Variants in CCDC170 observed in about 807,000 individuals in gnomAD.
CCDC170 encodes coiled-coil domain-containing protein 170.
In CCDC170, 69 loss-of-function variants were observed where a neutral mutation model predicts 72.6. The observed-to-expected ratio is 0.95, with a 90% CI of 0.78 to 1.16. The LOEUF (loss-of-function observed/expected upper bound fraction) is 1.16, where lower values mean the gene tolerates loss of function less well. CCDC170 is among the 50% of genes most tolerant of loss of function. The probability of loss-of-function intolerance (pLI) is 0.00; values close to 1 mark genes in which losing one functional copy is unlikely to be tolerated. For missense variants in CCDC170, 852 were observed against 832.5 expected (o/e 1.02, Z -0.29); for synonymous variants, 300 against 303.9 (o/e 0.99, Z 0.13).
At position 151,576,405 on chromosome 6, in the gene CCDC170, ATT is replaced by A. The variant is rs60823161; in HGVS notation, c.1092+2927_1092+2928del. 9.6e-3 allele frequency among the ~76,000 whole-genome samples: 1,365 copies of A among 142,308 alleles called. 25 individuals carry two copies. The highest frequency in any genetic ancestry group is 0.033 in the African/African-American group (1,300 of 39,036). The allele number at this position is 142,308 out of a possible 152,430, so 93.4% of individuals were successfully genotyped here. A position where few individuals can be genotyped will look rare whatever the true frequency, so the allele number is the denominator to read the frequency against. ...AGGAGCATCTGTACTTCAATAGCTAATTTTTTTTTTTTTTGCCATTTCATTTT... is the reference window on the plus strand; with the variant it reads ...AGGAGCATCTGTACTTCAATAGCTAATTTTTTTTTTTTGCCATTTCATTTT... On this transcript the variant is annotated intron_variant, in intron 6 of 10. Coordinates refer to ENST00000239374, the MANE Select transcript of CCDC170 (RefSeq NM_025059.4).
At chr6:151,555,694 A>G (rs1268602113) in intron 5 of CCDC170, among the ~76,000 whole-genome samples, 1 of 152,134 alleles carries the variant, frequency 6.6e-6, no homozygotes, top group Non-Finnish European at 1.5e-5. Flanking sequence ...CTATAATTCA[A>G]CTCCTCATCC....
At chr6:151,562,936 C>T (rs189142775) in intron 5 of CCDC170, among the ~76,000 whole-genome samples, 3 of 152,194 alleles carry the variant, frequency 2.0e-5, no homozygotes, top group Admixed American at 2.0e-4. Context: ...CCCTATCAAA[C>T]CCCTGTTGCA....
intron 3 of CCDC170, among the ~76,000 whole-genome samples, chr6:151,541,884 A>T (rs58056148): frequency 0.025 from 813 of 32,016 alleles, 7 homozygotes; most frequent in Middle Eastern, 0.049. Context: ...ATATATATAT[A>T]TATTTTTTTT....
chr6:151,572,825 T>G (rs1038907296), intron 5 of CCDC170, among the ~76,000 whole-genome samples: 1 of 151,844 alleles, frequency 6.6e-6, no homozygotes, highest in African/African-American at 2.4e-5. Flanking sequence ...AAGTTTTGTA[T>G]TTTTGTTTAG....
Position 151,494,053 on chromosome 6 carries a change from C to T in CCDC170, c.-76C>T. 4 of 1,374,036 alleles carry T rather than the reference C, an allele frequency of 2.9e-6. No individual in the cohort carries two copies. The highest frequency in any genetic ancestry group is 1.5e-5 in the South Asian group (1 of 65,112). 85.1% of individuals were successfully genotyped at this position (1,374,036 alleles called of 1,614,324 possible). On this transcript the variant is annotated 5_prime_UTR_variant, in exon 1 of 11. Coordinates refer to ENST00000239374, the MANE Select transcript of CCDC170 (RefSeq NM_025059.4). ...CCGTTGCCCGAGGAGACACCCGCGC[C>T]ACCCGCCGGCTCCCGGCGCCGCCGC...
chr6:151,527,041 T>C (rs1014605041), intron 1 of CCDC170, among the ~76,000 whole-genome samples: 1 of 146,192 alleles, frequency 6.8e-6, no homozygotes, highest in Non-Finnish European at 1.5e-5. Context: ...TGCACCACCA[T>C]GCTTAGCTAT....
chr6:151,613,674 A>G (rs913218459), intron 9 of CCDC170, among the ~76,000 whole-genome samples: 7 of 152,170 alleles, frequency 4.6e-5, no homozygotes, highest in African/African-American at 1.7e-4. Flanking sequence ...CCAGTACTCT[A>G]TTCTTTTTTA....
chr6:151,610,852 A>C (rs1776858971), intron 9 of CCDC170, among the ~76,000 whole-genome samples: 1 of 152,182 alleles, frequency 6.6e-6, no homozygotes, highest in Non-Finnish European at 1.5e-5. Context: ...TATTTTCTGC[A>C]TAGTTCTGAA....
chr6:151,617,803 T>C lies in CCDC170; in HGVS notation c.1948-144T>C, dbSNP rs764872089. On this transcript the variant is annotated intron_variant, in intron 10 of 10. Transcript: ENST00000239374. ...TATCTGGAATCTGGTATTTTATAAG[T>C]GAGAGAACTAGGAAGAGAGTAGATA... The C allele has an allele frequency of 7.5e-6, 5 of 668,616 alleles. No individual in the cohort carries two copies. The African/African-American group carries it at 9.0e-5, about 12-fold the overall frequency. 41.4% of individuals were successfully genotyped at this position (668,616 alleles called of 1,614,324 possible).
At chr6:151,553,291 A>G (rs34210656) in intron 5 of CCDC170, among the ~76,000 whole-genome samples, 167 of 152,322 alleles carry the variant, frequency 1.1e-3, no homozygotes, top group Non-Finnish European at 2.0e-3. Flanking sequence ...ATATCATTAC[A>G]TTATTGTACC....
intron 5 of CCDC170, among the ~76,000 whole-genome samples, chr6:151,559,770 T>C (rs1783046024): frequency 6.6e-6 from 1 of 152,212 alleles, no homozygotes; most frequent in African/African-American, 2.4e-5. Flanking sequence ...GAGGATCTTT[T>C]GTATTTCTGT....
chr6:151,600,926 C>A (rs979290567), intron 9 of CCDC170, among the ~76,000 whole-genome samples: 1 of 152,136 alleles, frequency 6.6e-6, no homozygotes, highest in African/African-American at 2.4e-5. Context: ...CTTCTGGTAA[C>A]CAGTCATCTT....
chr6:151,532,171 C>A, intron 1 of CCDC170, among the ~76,000 whole-genome samples: 1 of 151,726 alleles, frequency 6.6e-6, no homozygotes. Flanking sequence ...GAAAACAATC[C>A]CAAACAATAA....
intron 5 of CCDC170, among the ~76,000 whole-genome samples, chr6:151,569,847 C>T (rs1488204424): frequency 6.6e-6 from 1 of 152,128 alleles, no homozygotes; most frequent in Non-Finnish European, 1.5e-5. Flanking sequence ...CTCTGGCTCT[C>T]GAGTCCTGCA....
Position 151,617,983 on chromosome 6 carries a change from G to A in CCDC170, c.1984G>A (p.Gly662Ser), listed in dbSNP as rs758294139. The A allele has an allele frequency of 3.1e-6, 5 of 1,614,080 alleles. No individual in the cohort carries two copies. The highest frequency in any genetic ancestry group is 4.5e-5 in the East Asian group (2 of 44,862). The change falls in exon 11 of 11, where the codon GGC (glycine) becomes AGC (serine). Residue 662 changes from glycine (G) to serine (S), a missense_variant. Gly to Ser is a moderately conservative substitution (Grantham distance 56). Coordinates refer to ENST00000239374, the MANE Select transcript of CCDC170 (RefSeq NM_025059.4). ...CAGGGAGGTGGTGTCGCAGATGCTA[G>A]GCTTGAACGTGACCAGCCTTGCTCT... ...DFREVVSQML[G>S]LNVTSLALPD... is the part of the protein sequence containing the mutation.
At chr6:151,523,359 T>C (rs1300943604) in intron 1 of CCDC170, among the ~76,000 whole-genome samples, 1 of 152,126 alleles carries the variant, frequency 6.6e-6, no homozygotes, top group African/African-American at 2.4e-5. Flanking sequence ...TAATTGGAGA[T>C]GTTTTCCCAG....
At chr6:151,602,724 G>T (rs562939824) in intron 9 of CCDC170, among the ~76,000 whole-genome samples, 1 of 151,982 alleles carries the variant, frequency 6.6e-6, no homozygotes, top group Admixed American at 6.6e-5. Context: ...AGTTTCCTGA[G>T]GTCTCCCCGG....
chr6:151,556,435 A>C (rs555225954), intron 5 of CCDC170, among the ~76,000 whole-genome samples: 2 of 152,382 alleles, frequency 1.3e-5, no homozygotes, highest in Admixed American at 6.5e-5. Context: ...AGCCTGGGCG[A>C]CAAAGCGAGA....
chr6:151,568,352 C>T (rs953035628), intron 5 of CCDC170, among the ~76,000 whole-genome samples: 1 of 151,970 alleles, frequency 6.6e-6, no homozygotes, highest in Non-Finnish European at 1.5e-5. Context: ...TGGTGTAATT[C>T]GAAGGAAATA....
Sources: allele counts gnomAD v4.1 joint callset (sites outside exome capture counted in the v4.1 genomes callset), GRCh38; gene constraint gnomAD v4.1.1; transcripts MANE v1.5; gene names NCBI Gene and HGNC (gene_info 2026-07-23, HGNC 2026-07-21).